IGFBP2: variants seen among roughly 807,000 people sequenced by gnomAD.
IGFBP2 encodes the protein insulin-like growth factor-binding protein 2.
Under a neutral mutation model 26.2 loss-of-function variants are expected in IGFBP2, and 12 were observed. The ratio of observed to expected loss-of-function variants is 0.46; its 90% CI spans 0.29 to 0.74. The LOEUF (loss-of-function observed/expected upper bound fraction) is 0.74. Among genes scored for constraint, IGFBP2 ranks in the 30% least tolerant of loss-of-function variants. IGFBP2 has a pLI of 0.09. For synonymous variants in IGFBP2, 189 were observed against 200.6 expected, an observed-to-expected ratio of 0.94 and a Z score of 0.49; for missense variants, 328 against 441.2, an observed-to-expected ratio of 0.74 and a Z score of 2.30.
At chr2:216,655,740 C>T (rs1022553255) in intron 1 of IGFBP2, among the ~76,000 whole-genome samples, 4 of 151,900 alleles carry the variant, frequency 2.6e-5, no homozygotes, top group African/African-American at 4.8e-5. Context: ...ACTAAAAATA[C>T]AAATATTAAC....
At chr2:216,651,430 T>C (rs1237550469) in intron 1 of IGFBP2, among the ~76,000 whole-genome samples, 1 of 152,256 alleles carries the variant, frequency 6.6e-6, no homozygotes, top group Non-Finnish European at 1.5e-5. Flanking sequence ...CAACTGAGCA[T>C]GCGTGGTGAT....
intron 1 of IGFBP2, among the ~76,000 whole-genome samples, chr2:216,641,510 GA>G (rs1456792797): frequency 2.0e-5 from 3 of 152,086 alleles, no homozygotes; most frequent in Admixed American, 2.0e-4. Context: ...CCTATGAATG[GA>G]AATATCCATA....
intron 1 of IGFBP2, among the ~76,000 whole-genome samples, chr2:216,634,919 C>G (rs1004870663): frequency 1.9e-5 from 1 of 53,532 alleles, no homozygotes; most frequent in African/African-American, 5.7e-5. Context: ...TTACGAAAGC[C>G]TCCTGCCCCA....
At chr2:216,660,462 C>T (rs1216686614) in intron 1 of IGFBP2, 95 bp from the exon 2 acceptor site, 1 of 872,754 alleles carries the variant, frequency 1.1e-6, no homozygotes, top group Non-Finnish European at 1.7e-6. Context: ...GCGTCATCTC[C>T]ACCCTCATCA....
chr2:216,659,644 AAGG>A, intron 1 of IGFBP2: 1 of 1,262,570 alleles, frequency 7.9e-7, no homozygotes, highest in Non-Finnish European at 1.1e-6. Context: ...AGCTGTTTTC[AAGG>A]CCTCCTTCAC....
intron 1 of IGFBP2, among the ~76,000 whole-genome samples, chr2:216,646,767 T>C (rs1697717244): frequency 1.3e-5 from 2 of 152,172 alleles, no homozygotes; most frequent in Non-Finnish European, 2.9e-5. Flanking sequence ...GAGAACAGCA[T>C]GGGAAAGACC....
At chr2:216,659,813 T>C (rs907105160) in intron 1 of IGFBP2, 42 of 1,295,760 alleles carry the variant, frequency 3.2e-5, no homozygotes, top group Non-Finnish European at 4.2e-5. Flanking sequence ...TATAATGGGG[T>C]TGGGGTGGGC....
chr2:216,644,896 A>G (rs1040696656), intron 1 of IGFBP2, among the ~76,000 whole-genome samples: 1 of 152,162 alleles, frequency 6.6e-6, no homozygotes, highest in African/African-American at 2.4e-5. Context: ...CCAGCTCTCC[A>G]TTTCACCAGA....
At chr2:216,644,452 G>A (rs939876360) in intron 1 of IGFBP2, among the ~76,000 whole-genome samples, 2 of 152,170 alleles carry the variant, frequency 1.3e-5, no homozygotes, top group African/African-American at 4.8e-5. Context: ...CTCTGAGCCA[G>A]GAAGTCAAAG....
At chr2:216,647,613 G>A (rs949791850) in intron 1 of IGFBP2, among the ~76,000 whole-genome samples, 5 of 152,146 alleles carry the variant, frequency 3.3e-5, no homozygotes, top group African/African-American at 7.2e-5. Flanking sequence ...TCCGCCTCCC[G>A]GGTTTGCACC....
Position 216,639,638 on chromosome 2 carries a change from A to AT in IGFBP2, c.442+5678dup, listed in dbSNP as rs201144567. On this transcript the variant is annotated intron_variant, in intron 1 of 3. Transcript: ENST00000233809. ...AATTGTTATTTTTATTTGTATTATT[A>AT]TTTTTATTCATTTATTTATTTCAAG... 3.4e-3 allele frequency among the ~76,000 whole-genome samples: 509 copies of AT among 150,622 alleles called. 6 individuals are homozygous for AT. The highest frequency in any genetic ancestry group is 0.031 in the East Asian group (158 of 5,110).
chr2:216,639,789 C>T (rs747687283), intron 1 of IGFBP2, among the ~76,000 whole-genome samples: 1 of 152,024 alleles, frequency 6.6e-6, no homozygotes, highest in Non-Finnish European at 1.5e-5. Flanking sequence ...ATTATAGACA[C>T]CTGCCACCAT....
At position 216,657,301 on chromosome 2, in the gene IGFBP2, TG is replaced by T. The variant is rs201655695; in HGVS notation, c.443-3255del. Among the ~76,000 whole-genome samples, 636 of 152,276 alleles carry T rather than the reference TG, an allele frequency of 4.2e-3. 4 individuals are homozygous for T. The highest frequency in any genetic ancestry group is 0.015 in the African/African-American group (606 of 41,552). ...GGAGGCTGGGGATGAGTGCGTGCGC[TG>T]CACGGCATCTGTGTGCTGCGTTAGA... On this transcript the variant is annotated intron_variant, in intron 1 of 3. Transcript: ENST00000233809.
chr2:216,639,007 ATT>A (rs1208707145), intron 1 of IGFBP2, among the ~76,000 whole-genome samples: 1,786 of 114,932 alleles, frequency 0.016, 27 homozygotes, highest in African/African-American at 0.062. Flanking sequence ...GACCAGGCTA[ATT>A]TTTTTTTTTT....
chr2:216,639,563 T>G (rs1318591732), intron 1 of IGFBP2, among the ~76,000 whole-genome samples: 5 of 37,296 alleles, frequency 1.3e-4, no homozygotes, highest in African/African-American at 2.2e-4. Context: ...AAAAAGCTTG[T>G]TTTTTTTTTG....
chr2:216,659,259 T>TC, intron 1 of IGFBP2, among the ~76,000 whole-genome samples: 1 of 152,308 alleles, frequency 6.6e-6, no homozygotes, highest in South Asian at 2.1e-4. Flanking sequence ...AGGTGCCCCC[T>TC]CCCTTAGTTG....
chr2:216,659,778 T>C (rs898134157), intron 1 of IGFBP2: 3 of 1,520,446 alleles, frequency 2.0e-6, no homozygotes, highest in African/African-American at 1.4e-5. Flanking sequence ...GAAGGAGTCA[T>C]AGTTCCTGTT....
intron 1 of IGFBP2, among the ~76,000 whole-genome samples, chr2:216,644,527 T>C (rs1459714255): frequency 6.6e-6 from 1 of 152,122 alleles, no homozygotes; most frequent in African/African-American, 2.4e-5. Flanking sequence ...CTACTCAGTG[T>C]GTTCCATCCT....
At chr2:216,662,175 C>T in intron 3 of IGFBP2, 177 bp downstream of exon 3, 1 of 690,680 alleles carries the variant, frequency 1.4e-6, no homozygotes, top group South Asian at 1.9e-5. Flanking sequence ...GGGTGCAGCT[C>T]TTCTCCCTGC....
Sources: gnomAD v4.1 joint callset for allele counts (sites outside exome capture counted in the v4.1 genomes callset) on GRCh38, gnomAD v4.1.1 for gene constraint, MANE v1.5 for transcripts, NCBI Gene and HGNC (gene_info 2026-07-23, HGNC 2026-07-21) for gene names.